Variants in DTWD2 observed in about 807,000 individuals in gnomAD.
The protein encoded by DTWD2 is DTW motif tRNA-uridine aminocarboxypropyltransferase 2, also known as tRNA-uridine aminocarboxypropyltransferase 2.
DTWD2 carries 39 observed loss-of-function variants against 31.8 expected under a neutral mutation model. The ratio of observed to expected loss-of-function variants is 1.22; its 90% CI spans 0.95 to 1.60. DTWD2 has a LOEUF of 1.60. Ranked by LOEUF, DTWD2 falls within the 40% of genes most tolerant of loss-of-function variation. The pLI is 0.00. For synonymous variants in DTWD2, 180 were observed against 142.8 expected, an observed-to-expected ratio of 1.26 and a Z score of -1.86; for missense variants, 515 against 381.5, an observed-to-expected ratio of 1.35 and a Z score of -2.92.
At chr5:118,963,160 G>T (rs533853795) in intron 1 of DTWD2, among the ~76,000 whole-genome samples, 3 of 152,308 alleles carry the variant, frequency 2.0e-5, no homozygotes, top group African/African-American at 7.2e-5. Context: ...AATACGAAGA[G>T]GCTGACCCAC....
At chr5:118,932,169 C>G (rs970448708) in intron 3 of DTWD2, among the ~76,000 whole-genome samples, 4 of 151,736 alleles carry the variant, frequency 2.6e-5, no homozygotes, top group Admixed American at 6.6e-5. Flanking sequence ...CTTAAAAACA[C>G]AACAACAACA....
chr5:118,870,292 G>C (rs1418565445), intron 4 of DTWD2, among the ~76,000 whole-genome samples: 1 of 152,086 alleles, frequency 6.6e-6, no homozygotes, highest in South Asian at 2.1e-4. Flanking sequence ...TAATAGTAAC[G>C]AACTAGACAT....
intron 4 of DTWD2, among the ~76,000 whole-genome samples, chr5:118,893,316 G>A (rs1033687969): frequency 1.4e-5 from 2 of 140,790 alleles, no homozygotes. Context: ...AGCTGAGATC[G>A]CACCACTGCA....
intron 4 of DTWD2, among the ~76,000 whole-genome samples, chr5:118,878,049 C>G (rs974659601): frequency 6.6e-6 from 1 of 151,912 alleles, no homozygotes; most frequent in East Asian, 1.9e-4. Context: ...AGAGATCTCA[C>G]AAACAAATGG....
intron 1 of DTWD2, among the ~76,000 whole-genome samples, chr5:118,966,326 G>A (rs1040956934): frequency 6.6e-6 from 1 of 152,114 alleles, no homozygotes. Context: ...GGTGCGCAGT[G>A]GTTGTCATAA....
At chr5:118,926,710 AT>A (rs904056001) in intron 4 of DTWD2, among the ~76,000 whole-genome samples, 25 of 147,784 alleles carry the variant, frequency 1.7e-4, no homozygotes, top group East Asian at 2.0e-4. Context: ...AAAGAAAGTG[AT>A]TTTTTTTTTT....
intron 4 of DTWD2, among the ~76,000 whole-genome samples, chr5:118,872,614 G>C (rs1752531243): frequency 6.6e-6 from 1 of 152,096 alleles, no homozygotes; most frequent in African/African-American, 2.4e-5. Flanking sequence ...CTATAGGTGA[G>C]GTTTGTGGCA....
intron 3 of DTWD2, among the ~76,000 whole-genome samples, chr5:118,929,282 C>T (rs569679190): frequency 6.6e-6 from 1 of 152,346 alleles, no homozygotes; most frequent in Admixed American, 6.5e-5. Context: ...TGAACCCTAA[C>T]CTATCTTAAT....
intron 1 of DTWD2, among the ~76,000 whole-genome samples, chr5:118,956,501 T>C (rs905386570): frequency 6.6e-6 from 1 of 152,186 alleles, no homozygotes; most frequent in African/African-American, 2.4e-5. Flanking sequence ...GCATACTATC[T>C]CTGACAGCCT....
chr5:118,964,899 C>T (rs2149595054), intron 1 of DTWD2, among the ~76,000 whole-genome samples: 1 of 152,294 alleles, frequency 6.6e-6, no homozygotes, highest in Non-Finnish European at 1.5e-5. Context: ...GCCTGGCCGC[C>T]CATCGTCTGG....
intron 4 of DTWD2, among the ~76,000 whole-genome samples, chr5:118,912,803 G>C (rs1753487462): frequency 2.6e-5 from 4 of 152,176 alleles, no homozygotes; most frequent in Non-Finnish European, 4.4e-5. Context: ...GAATTCACCA[G>C]TAACTTATAG....
chr5:118,862,102 G>A (rs974451742), intron 4 of DTWD2, among the ~76,000 whole-genome samples: 3 of 152,238 alleles, frequency 2.0e-5, no homozygotes, highest in African/African-American at 7.2e-5. Context: ...GATTCTCGTA[G>A]AAGCGCCAAC....
At chr5:118,982,369 C>G (rs1306216804) in intron 1 of DTWD2, among the ~76,000 whole-genome samples, 1 of 152,092 alleles carries the variant, frequency 6.6e-6, no homozygotes, top group Non-Finnish European at 1.5e-5. Context: ...TTAAAACTGG[C>G]CATTCCTCTT....
chr5:118,910,434 C>T (rs556133227), intron 4 of DTWD2, among the ~76,000 whole-genome samples: 102 of 152,250 alleles, frequency 6.7e-4, no homozygotes, highest in Non-Finnish European at 1.3e-3. Flanking sequence ...CATCTGAGAC[C>T]TCATCAGAAT....
rs148535339 is a variant in DTWD2 at position 118,848,554 on chromosome 5, A to C, written c.598-336T>G. Among the ~76,000 whole-genome samples the C allele has an allele frequency of 1.5e-3, 231 of 152,332 alleles. 6 individuals are homozygous for C. In the East Asian group the frequency reaches 0.029, roughly 19 times the overall value. On this transcript the variant is annotated intron_variant, in intron 4 of 5. Transcript: ENST00000510708. ...TTCAACATGATCTAATGTAAATTAA[A>C]ACCACAATGGGGTAACATTTCACAC... is the stretch of plus-strand genomic sequence containing the variant.
At chr5:118,934,218 T>C (rs1423105794) in intron 3 of DTWD2, among the ~76,000 whole-genome samples, 3 of 143,334 alleles carry the variant, frequency 2.1e-5, no homozygotes, top group Non-Finnish European at 4.5e-5. Flanking sequence ...GTGGATCCCT[T>C]TAGCCTAGGA....
intron 4 of DTWD2, among the ~76,000 whole-genome samples, chr5:118,878,970 T>C (rs913005638): frequency 6.6e-6 from 1 of 152,092 alleles, no homozygotes; most frequent in Admixed American, 6.5e-5. Flanking sequence ...ATGGTTATTA[T>C]TAAAAAGTCA....
At chr5:118,851,403 T>C (rs1289402291) in intron 4 of DTWD2, among the ~76,000 whole-genome samples, 2 of 151,972 alleles carry the variant, frequency 1.3e-5, no homozygotes, top group Non-Finnish European at 2.9e-5. Flanking sequence ...AGGACCGTGA[T>C]GCCCACCTGA....
intron 4 of DTWD2, among the ~76,000 whole-genome samples, chr5:118,923,078 T>C (rs1038483746): frequency 6.6e-5 from 10 of 152,128 alleles, no homozygotes; most frequent in Non-Finnish European, 1.3e-4. Flanking sequence ...AAAATTTCAT[T>C]TCAGTGAAAT....
Sources: allele counts gnomAD v4.1 joint callset (sites outside exome capture counted in the v4.1 genomes callset), GRCh38; gene constraint gnomAD v4.1.1; transcripts MANE v1.5; gene names NCBI Gene and HGNC (gene_info 2026-07-23, HGNC 2026-07-21).